The following PAGE1 variants were observed in gnomAD, a reference collection of about 807,000 sequenced individuals.
The protein encoded by PAGE1 is P antigen family member 1.
Under a neutral mutation model 11.5 loss-of-function variants are expected in PAGE1, and 6 were observed. The observed-to-expected ratio is 0.52, with a 90% CI of 0.29 to 1.03. PAGE1 has a LOEUF of 1.03. Ranked by LOEUF, PAGE1 falls within the 50% of genes least tolerant of loss-of-function variation. The pLI, the probability that PAGE1 is intolerant of heterozygous loss-of-function variation, is 0.09. For missense variants in PAGE1, 120 were observed against 110.2 expected (o/e 1.09, Z -0.40); for synonymous variants, 42 against 40.2 (o/e 1.05, Z -0.17).
Position 49,690,078 on chromosome X carries a change from T to TGTGTATATAC in PAGE1, c.293-536_293-535insGTATATACAC, listed in dbSNP as rs2066912903. Reference sequence around the variant, plus strand: ...ATATGTGTATATACACACATATATATGTGTATATATGTGTATATATGTGTA... The same window carrying TGTGTATATAC: ...ATATGTGTATATACACACATATATATGTGTATATACGTGTATATATGTGTATATATGTGTA... On this transcript the variant is annotated intron_variant, in intron 4 of 5. Coordinates refer to ENST00000376150, the MANE Select transcript of PAGE1 (RefSeq NM_003785.4). Among the ~76,000 whole-genome samples, 4 of 55,415 alleles carry TGTGTATATAC rather than the reference T, an allele frequency of 7.2e-5. 1 individual carries two copies. The highest frequency in any genetic ancestry group is 2.7e-4 in the African/African-American group (4 of 14,713). 48.1% of individuals were successfully genotyped at this position (55,415 alleles called of 115,157 possible).
intron 3 of PAGE1, 95 bp from the exon 4 acceptor site, chrX:49,691,469 C>A (rs2066920323): frequency 1.5e-6 from 1 of 662,244 alleles, no homozygotes; most frequent in Admixed American, 4.1e-5. Context: ...TAAATAAAAG[C>A]TTTAGGTACT....
At chrX:49,694,021 G>GACACACAC (rs565227923) in intron 3 of PAGE1, 78 bp downstream of exon 3, 4,318 of 361,846 alleles carry the variant, frequency 0.012, 26 homozygotes, top group Non-Finnish European at 0.014. Flanking sequence ...CAATGCATGA[G>GACACACAC]ACACACACAC....
intron 4 of PAGE1, among the ~76,000 whole-genome samples, chrX:49,690,946 G>C (rs1235334058): frequency 9.0e-6 from 1 of 111,337 alleles, no homozygotes; most frequent in Non-Finnish European, 1.9e-5. Context: ...GGGAGGCTAA[G>C]CTGGGTGGAT....
intron 5 of PAGE1, among the ~76,000 whole-genome samples, chrX:49,688,496 C>T (rs945359846): frequency 9.0e-6 from 1 of 111,334 alleles, no homozygotes; most frequent in African/African-American, 3.3e-5. Flanking sequence ...TGCCCGCTCC[C>T]TTTCTTAGTA....
In PAGE1 at chrX:49,694,735, T is replaced by C. The variant is rs782066464; in HGVS notation, c.36A>G (p.Arg12=). Residue 12 remains arginine (R), a synonymous_variant, in exon 2 of 6, where the codon AGA becomes AGG. Coordinates refer to ENST00000376150, the MANE Select transcript of PAGE1 (RefSeq NM_003785.4). ...GFLRRLIYRR[R]PMIYVESSEE... is the part of the protein sequence containing the mutation. ...CAGAAGATTCTACATAGATCATTGG[T>C]CTACGCCGATAGATTAATCTTCTTA... The C allele has an allele frequency of 1.7e-6, 2 of 1,199,529 alleles. No homozygotes were observed. The highest frequency in any genetic ancestry group is 3.6e-5 in the South Asian group (2 of 55,614).
chrX:49,692,914 C>G (rs1331043158), intron 3 of PAGE1, among the ~76,000 whole-genome samples: 1 of 111,196 alleles, frequency 9.0e-6, no homozygotes, highest in Non-Finnish European at 1.9e-5. Flanking sequence ...CAGCACTAAG[C>G]CCAGTTTGAG....
At chrX:49,691,763 AAC>A (rs1375097686) in intron 3 of PAGE1, among the ~76,000 whole-genome samples, 4 of 111,942 alleles carry the variant, frequency 3.6e-5, no homozygotes, top group African/African-American at 1.3e-4. Flanking sequence ...TGAGTGAAAA[AAC>A]AGTCTTTAGA....
intron 1 of PAGE1, among the ~76,000 whole-genome samples, 154 bp downstream of exon 1, chrX:49,695,715 A>G (rs1445508072): frequency 9.0e-6 from 1 of 111,681 alleles, no homozygotes; most frequent in Non-Finnish European, 1.9e-5. Flanking sequence ...CTGTGAGGAG[A>G]AGGAGGACGA....
At chrX:49,690,230 C>T (rs1469505232) in intron 4 of PAGE1, among the ~76,000 whole-genome samples, 1 of 104,093 alleles carries the variant, frequency 9.6e-6, no homozygotes, top group Non-Finnish European at 2.0e-5. Flanking sequence ...TAAATAAAAG[C>T]TTTCACTAGT....
intron 3 of PAGE1, among the ~76,000 whole-genome samples, chrX:49,691,837 A>G (rs1041961886): frequency 1.2e-4 from 13 of 111,855 alleles, no homozygotes; most frequent in African/African-American, 4.2e-4. Context: ...ATCCTCTTGA[A>G]AAATGTCAGT....
chrX:49,694,884 C>T, intron 1 of PAGE1, 106 bp from the exon 2 acceptor site: 1 of 463,000 alleles, frequency 2.2e-6, no homozygotes, highest in Non-Finnish European at 3.7e-6. Flanking sequence ...TGAAAATACT[C>T]TCAAAATAAG....
intron 5 of PAGE1, among the ~76,000 whole-genome samples, chrX:49,688,774 C>T (rs1325208202): frequency 2.7e-5 from 3 of 111,889 alleles, no homozygotes; most frequent in African/African-American, 9.7e-5. Flanking sequence ...AACCTGCATC[C>T]GTGCTTCAGC....
chrX:49,687,448 T>C lies in PAGE1; in HGVS notation c.*93A>G, dbSNP rs1048557910. ...AAATTAACAAAAGATGCACAAGACT[T>C]CTTTGCAGAAGGCTGTAAAGCTTTA... is the stretch of plus-strand genomic sequence containing the variant. On this transcript the variant is annotated 3_prime_UTR_variant, in exon 6 of 6. Coordinates refer to ENST00000376150, the MANE Select transcript of PAGE1 (RefSeq NM_003785.4). The C allele has an allele frequency of 1.0e-4, 84 of 831,151 alleles. No homozygotes were observed. Among genetic ancestry groups the C allele is most frequent in the Admixed American group, 1.4e-4 (6 of 43,453 alleles). 68.5% of individuals were successfully genotyped at this position (831,151 alleles called of 1,213,427 possible). A position where few individuals can be genotyped will look rare whatever the true frequency, so the allele number is the denominator to read the frequency against.
rs145017650 is a variant in PAGE1, at chrX:49,691,373, C to T, written c.168G>A (p.Gly56=). 5.4e-3 allele frequency: 6,413 copies of T among 1,189,221 alleles called. 16 individuals carry two copies. Among genetic ancestry groups the T allele is most frequent in the Non-Finnish European group, 6.6e-3 (5,884 of 885,639 alleles). Residue 56 remains glycine, a splice_region_variant and synonymous_variant, in exon 4 of 6, where the codon GGG becomes GGA. Transcript: ENST00000376150. ...REDEGASAAQ[G]QEPEADSQEL... is the part of the protein sequence containing the mutation. ...CCTGGCTATCAGCTTCAGGCTCCTGCCCTTAAAGATAAAACAAAATTATCA... is the reference window on the plus strand; with the variant it reads ...CCTGGCTATCAGCTTCAGGCTCCTGTCCTTAAAGATAAAACAAAATTATCA...
At chrX:49,692,896 T>C (rs929104319) in intron 3 of PAGE1, among the ~76,000 whole-genome samples, 4 of 111,357 alleles carry the variant, frequency 3.6e-5, no homozygotes, top group Admixed American at 9.6e-5. Flanking sequence ...GCTGGGACTA[T>C]GATTTCACAG....
chrX:49,691,443 A>C, intron 3 of PAGE1, 69 bp from the exon 4 acceptor site: 1 of 917,118 alleles, frequency 1.1e-6, no homozygotes. Context: ...AATAATATTC[A>C]TGCTCTTGGT....
At chrX:49,691,481 T>A in intron 3 of PAGE1, 107 bp from the exon 4 acceptor site, 1 of 605,138 alleles carries the variant, frequency 1.7e-6, no homozygotes, top group Non-Finnish European at 2.4e-6. Context: ...TTAGGTACTG[T>A]AATAATAAAT....
chrX:49,689,565 AAAAAAAAAAAATAT>A (rs2066897418), intron 4 of PAGE1, 22 bp from the exon 5 acceptor site: 1 of 187,807 alleles, frequency 5.3e-6, no homozygotes, highest in African/African-American at 1.0e-4. Flanking sequence ...AAAAAAAAAA[AAAAAAAAAAAATAT>A]ATATATATAT....
rs1569533513 is a variant in PAGE1 at position 49,691,273 on chromosome X, C to G, written c.268G>C (p.Glu90Gln). ...CCTTCTGCGGGCAGTTTCATCTGCT[C>G]TTCATTTCGCAGGCACACCCTCTTG... The part of the protein sequence containing the change: ...DTKRVCLRNE[E>Q]QMKLPAEGPE... Residue 90 changes from glutamate (E) to glutamine (Q), a missense_variant, in exon 4 of 6, where the codon GAG (glutamate) becomes CAG (glutamine). Transcript: ENST00000376150. 1 of 1,210,698 alleles carries G rather than the reference C, an allele frequency of 8.3e-7. No homozygotes were observed. The highest frequency in any genetic ancestry group is 2.2e-5 in the Admixed American group (1 of 45,991).
Sources: gnomAD v4.1 joint callset for allele counts (sites outside exome capture counted in the v4.1 genomes callset) on GRCh38, gnomAD v4.1.1 for gene constraint, MANE v1.5 for transcripts, NCBI Gene and HGNC (gene_info 2026-07-23, HGNC 2026-07-21) for gene names.